Variants in NRXN3 observed in about 807,000 individuals in gnomAD.
NRXN3 encodes neurexin III.
Under a neutral mutation model 137.6 loss-of-function variants are expected in NRXN3, and 32 were observed. The ratio of observed to expected loss-of-function variants is 0.23; its 90% CI spans 0.18 to 0.31. The LOEUF is 0.31. NRXN3 is among the 10% of genes least tolerant of loss of function. The pLI is 1.00. For missense variants in NRXN3, 1,574 were observed against 2,062.5 expected, an observed-to-expected ratio of 0.76 and a Z score of 4.59; for synonymous variants, 798 against 784.5, an observed-to-expected ratio of 1.02 and a Z score of -0.29.
In NRXN3 at chr14:79,220,698, T is replaced by A. The variant is rs370913999; in HGVS notation, c.3262+232557T>A. On this transcript the variant is annotated intron_variant, in intron 15 of 20. Transcript: ENST00000335750. ...ATGGTATGTAGCTTTTCAGATTGGCTTCTTTTACTTAGTAACATGCATTTA... is the reference window on the plus strand; with the variant it reads ...ATGGTATGTAGCTTTTCAGATTGGCATCTTTTACTTAGTAACATGCATTTA... 7.4e-4 allele frequency among the ~76,000 whole-genome samples: 113 copies of A among 152,266 alleles called. 2 individuals carry two copies. In the South Asian group the frequency reaches 9.3e-3, roughly 13 times the overall value.
intron 16 of NRXN3, among the ~76,000 whole-genome samples, chr14:79,558,860 T>C (rs2097459048): frequency 6.6e-6 from 1 of 152,194 alleles, no homozygotes; most frequent in East Asian, 1.9e-4. Flanking sequence ...ATCAATGATC[T>C]TAGCTAGAAC....
intron 15 of NRXN3, among the ~76,000 whole-genome samples, chr14:79,382,581 C>A (rs942543943): frequency 2.6e-5 from 4 of 152,204 alleles, no homozygotes; most frequent in African/African-American, 9.6e-5. Context: ...TATTAGGACT[C>A]CACATTAACT....
At chr14:78,775,692 C>T (rs1436805100) in intron 8 of NRXN3, among the ~76,000 whole-genome samples, 1 of 152,134 alleles carries the variant, frequency 6.6e-6, no homozygotes, top group Non-Finnish European at 1.5e-5. Context: ...ATATCATAAA[C>T]TATTCTCTTT....
chr14:78,712,492 T>G (rs192690169), intron 7 of NRXN3, among the ~76,000 whole-genome samples: 159 of 152,324 alleles, frequency 1.0e-3, no homozygotes, highest in African/African-American at 3.7e-3. Flanking sequence ...AAATTCCCCT[T>G]AATATCCTTT....
At chr14:78,214,006 C>G (rs1317991781) in intron 1 of NRXN3, among the ~76,000 whole-genome samples, 1 of 152,200 alleles carries the variant, frequency 6.6e-6, no homozygotes. Context: ...TAAGGATACC[C>G]TGATGTGTCT....
chr14:79,381,850 A>C (rs2094479198), intron 15 of NRXN3, among the ~76,000 whole-genome samples: 2 of 152,178 alleles, frequency 1.3e-5, no homozygotes, highest in African/African-American at 2.4e-5. Flanking sequence ...TGGTTTCTCC[A>C]TGATGATTTT....
At chr14:78,244,600 T>C (rs572583194) in intron 2 of NRXN3, among the ~76,000 whole-genome samples, 359 of 152,278 alleles carry the variant, frequency 2.4e-3, no homozygotes, top group Non-Finnish European at 3.9e-3. Flanking sequence ...AGTTCTTCTA[T>C]TGGGGCCCAC....
chr14:78,586,091 T>A (rs886679364), intron 4 of NRXN3, among the ~76,000 whole-genome samples: 1 of 152,172 alleles, frequency 6.6e-6, no homozygotes, highest in Admixed American at 6.5e-5. Flanking sequence ...GTAAATAAAG[T>A]TTAATTGGAA....
intron 4 of NRXN3, among the ~76,000 whole-genome samples, chr14:78,386,788 C>CT (rs373754946): frequency 3.3e-4 from 49 of 148,196 alleles, no homozygotes; most frequent in Admixed American, 1.3e-3. Flanking sequence ...TCTCTTTTTT[C>CT]TTTTTTTTTT....
intron 10 of NRXN3, among the ~76,000 whole-genome samples, chr14:78,868,585 C>T (rs1035434341): frequency 2.6e-5 from 4 of 151,942 alleles, no homozygotes; most frequent in African/African-American, 4.8e-5. Flanking sequence ...TTTGGGAGGC[C>T]GAGGTGGGTG....
intron 6 of NRXN3, among the ~76,000 whole-genome samples, chr14:78,692,986 G>A (rs965480764): frequency 1.3e-5 from 2 of 151,920 alleles, no homozygotes; most frequent in Non-Finnish European, 2.9e-5. Context: ...AGGAGGCTGA[G>A]GCAGGAGAAT....
chr14:78,897,101 A>G (rs1002659283), intron 10 of NRXN3, among the ~76,000 whole-genome samples: 13 of 151,886 alleles, frequency 8.6e-5, no homozygotes, highest in Admixed American at 8.5e-4. Flanking sequence ...GGTGACAGAG[A>G]CTGCCTACAA....
intron 15 of NRXN3, among the ~76,000 whole-genome samples, chr14:79,157,315 G>A (rs886917533): frequency 6.6e-6 from 1 of 151,920 alleles, no homozygotes; most frequent in Non-Finnish European, 1.5e-5. Flanking sequence ...TCCTGGAGAA[G>A]GATATTTTTT....
chr14:78,339,235 T>C (rs1355673221), intron 4 of NRXN3, among the ~76,000 whole-genome samples: 1 of 152,218 alleles, frequency 6.6e-6, no homozygotes, highest in Non-Finnish European at 1.5e-5. Flanking sequence ...TTTAAATATA[T>C]TTTCGCATGG....
intron 1 of NRXN3, among the ~76,000 whole-genome samples, chr14:78,211,554 C>G (rs1324684893): frequency 6.6e-6 from 1 of 152,230 alleles, no homozygotes; most frequent in African/African-American, 2.4e-5. Context: ...AGCATCAGCC[C>G]TGTGAGAAGC....
intron 10 of NRXN3, among the ~76,000 whole-genome samples, chr14:78,836,113 G>A (rs546337950): frequency 4.3e-4 from 66 of 152,096 alleles, no homozygotes; most frequent in African/African-American, 1.4e-3. Context: ...ATGTGTCTAC[G>A]TCATCTAAAA....
intron 15 of NRXN3, among the ~76,000 whole-genome samples, chr14:79,232,311 C>A (rs1333017771): frequency 6.6e-6 from 1 of 151,994 alleles, no homozygotes. Flanking sequence ...ATCCCGATTT[C>A]TTTAATCTAG....
intron 1 of NRXN3, among the ~76,000 whole-genome samples, chr14:78,178,923 C>T (rs531244335): frequency 2.0e-5 from 3 of 152,270 alleles, no homozygotes; most frequent in Admixed American, 6.5e-5. Context: ...GTCTTCCAAT[C>T]AGCTCCTGAG....
chr14:79,435,231 A>C (rs1309660958), intron 15 of NRXN3, among the ~76,000 whole-genome samples: 1 of 152,056 alleles, frequency 6.6e-6, no homozygotes, highest in Non-Finnish European at 1.5e-5. Context: ...TCAGCAAGTA[A>C]TGAAGCAAGA....
Sources: allele counts gnomAD v4.1 joint callset (sites outside exome capture counted in the v4.1 genomes callset), GRCh38; gene constraint gnomAD v4.1.1; transcripts MANE v1.5; gene names NCBI Gene and HGNC (gene_info 2026-07-23, HGNC 2026-07-21).